Variants in RAD54L observed in about 807,000 individuals in gnomAD.
RAD54L encodes the protein RAD54 like.
A neutral mutation model predicts 91.6 loss-of-function variants in RAD54L; 74 were observed. That is an observed-to-expected ratio of 0.81 (90% CI 0.67 to 0.98). RAD54L has a LOEUF of 0.98. Among genes scored for constraint, RAD54L ranks in the 50% least tolerant of loss-of-function variants. The pLI is 0.00. For missense variants in RAD54L, 887 were observed against 945.7 expected (o/e 0.94, Z 0.81); for synonymous variants, 304 against 349.7 (o/e 0.87, Z 1.46).
At position 46,274,271 on chromosome 1, in the gene RAD54L, A is replaced by T. The variant is rs1660528421; in HGVS notation, c.1689+55A>T. On this transcript the variant is annotated intron_variant, in intron 15 of 17. Transcript: ENST00000371975. ...CAATGCAGTATCATCAGAATTAAGG[A>T]ATGATAGAGAAGCTATAAGGGGTTA... 3.3e-6 allele frequency: 5 copies of T among 1,530,592 alleles called. No individual in the cohort carries two copies. In the South Asian group the frequency reaches 5.6e-5, roughly 17 times the overall value. 94.8% of individuals were successfully genotyped at this position (1,530,592 alleles called of 1,614,324 possible).
At chr1:46,248,885 C>T (rs926981945) in intron 2 of RAD54L, among the ~76,000 whole-genome samples, 4 of 152,144 alleles carry the variant, frequency 2.6e-5, no homozygotes, top group Non-Finnish European at 5.9e-5. Flanking sequence ...AAAAGGGCTA[C>T]ACAACAGCAA....
At chr1:46,259,286 G>A (rs1660030229) in intron 4 of RAD54L, among the ~76,000 whole-genome samples, 2 of 151,896 alleles carry the variant, frequency 1.3e-5, no homozygotes, top group South Asian at 2.1e-4. Context: ...AAAAGTGTTG[G>A]GACTACAGGC....
chr1:46,272,713 G>A lies in RAD54L; in HGVS notation c.1286G>A (p.Arg429Lys). ...LQTELYKRFLRQAKPAEELLE... is the reference protein window; with the variant it reads ...LQTELYKRFLKQAKPAEELLE... ...ACTGAGTTATACAAGAGGTTTCTGAGACAAGCCAAACCGGCAGAAGAATTG... is the reference window on the plus strand; with the variant it reads ...ACTGAGTTATACAAGAGGTTTCTGAAACAAGCCAAACCGGCAGAAGAATTG... The change falls in exon 12 of 18, where the codon AGA becomes AAA. Residue 429 changes from arginine (R) to lysine (K), a missense_variant. By Grantham distance (26) the Arg-to-Lys change is conservative. Transcript: ENST00000371975. 6.2e-7 allele frequency: 1 copy of A among 1,614,168 alleles called. No individual in the cohort carries two copies.
chr1:46,272,002 T>C (rs1485144014), intron 10 of RAD54L, among the ~76,000 whole-genome samples: 2 of 149,522 alleles, frequency 1.3e-5, no homozygotes, highest in African/African-American at 5.0e-5. Context: ...CTGATACAGA[T>C]GTGTTTGACA....
At position 46,273,412 on chromosome 1, in the gene RAD54L, T is replaced by G; in HGVS notation, c.1433T>G (p.Leu478Trp). Residue 478 changes from leucine (L) to tryptophan (W), a missense_variant, in exon 13 of 18, where the codon TTG becomes TGG. By Grantham distance (61) the Leu-to-Trp change is moderately conservative (BLOSUM62 -2). Coordinates refer to ENST00000371975, the MANE Select transcript of RAD54L (RefSeq NM_003579.4). ...GAGGAGGATGGCTTTGTGGGTGCCT[T>G]GGACCTCTTCCCTCCTGGTTACAGC... ...VEEEDGFVGA[L>W]DLFPPGYSSK... 6.2e-7 allele frequency: 1 copy of G among 1,614,156 alleles called. No homozygotes were observed. The highest frequency in any genetic ancestry group is 8.5e-7 in the Non-Finnish European group (1 of 1,179,976).
At position 46,278,044 on chromosome 1, in the gene RAD54L, T is replaced by G. The variant is rs1263690658; in HGVS notation, c.2034-28T>G. On this transcript the variant is annotated intron_variant, in intron 17 of 17. Transcript: ENST00000371975. ...CACAGTAGGGAGATGGGATCTGTAG[T>G]GACTTCAGCTGTGCCTTCTGTCCCT... 4 of 1,614,018 alleles carry G rather than the reference T, an allele frequency of 2.5e-6. No homozygotes were observed. In the Admixed American group the frequency reaches 6.7e-5, roughly 27 times the overall value.
rs1569588802 is a variant in RAD54L, at chr1:46,263,305, C to T, written c.891+1920C>T. Among the ~76,000 whole-genome samples the T allele has an allele frequency of 6.6e-6, 1 of 152,188 alleles. No individual in the cohort carries two copies. On this transcript the variant is annotated intron_variant, in intron 8 of 17. Coordinates refer to ENST00000371975, the MANE Select transcript of RAD54L (RefSeq NM_003579.4). The surrounding 1 kb of genome is among the most constrained non-coding windows in gnomAD (Gnocchi z 4.3). ...GGAGCTTCCTACTATAGAGAATTTC[C>T]CAGGACTTCCCAGTGGGCTTGGCGA...
chr1:46,275,278 C>T (rs763190284), intron 16 of RAD54L, among the ~76,000 whole-genome samples: 8 of 152,146 alleles, frequency 5.3e-5, no homozygotes, highest in African/African-American at 1.7e-4. Flanking sequence ...TTTCCTTGAC[C>T]TCATCTCAAC....
At chr1:46,278,036 ATCTGTAGTGACT>A in intron 17 of RAD54L, 24 bp from the exon 18 acceptor site, 1 of 1,614,088 alleles carries the variant, frequency 6.2e-7, no homozygotes, top group Non-Finnish European at 8.5e-7. Context: ...GGGAGATGGG[ATCTGTAGTGACT>A]TCAGCTGTGC....
Position 46,274,682 on chromosome 1 carries a change from C to G in RAD54L, c.1834C>G (p.Gln612Glu), listed in dbSNP as rs778442529. 15 of 1,614,038 alleles carry G rather than the reference C, an allele frequency of 9.3e-6. No homozygotes were observed. The highest frequency in any genetic ancestry group is 1.3e-5 in the Non-Finnish European group (15 of 1,180,018). ...CATGGCCCGGGTCTGGCGAGATGGTCAAAAGAAGACTTGCTATATCTACCG... is the reference window on the plus strand; with the variant it reads ...CATGGCCCGGGTCTGGCGAGATGGTGAAAAGAAGACTTGCTATATCTACCG... ...QAMARVWRDG[Q>E]KKTCYIYRLL... Residue 612 changes from glutamine (Q) to glutamate (E), a missense_variant, in exon 16 of 18, where the codon CAA becomes GAA. Physicochemically the swap from Gln to Glu is conservative, Grantham distance 29 (BLOSUM62 2). Transcript: ENST00000371975.
chr1:46,274,206 A>G lies in RAD54L; in HGVS notation c.1679A>G (p.Asn560Ser), dbSNP rs564284061. 57 of 1,612,336 alleles carry G rather than the reference A, an allele frequency of 3.5e-5. No homozygotes were observed. The highest frequency in any genetic ancestry group is 1.0e-4 in the Admixed American group (6 of 59,996). The change falls in exon 15 of 18, where the codon AAT becomes AGT. Residue 560 changes from asparagine to serine, a missense_variant. Asn to Ser is a conservative substitution (Grantham distance 46, BLOSUM62 1). Transcript: ENST00000371975. Reference protein sequence around the residue: ...KKRAKVVERFNSPSSPDFVFM... With the variant: ...KKRAKVVERFSSPSSPDFVFM... ...CGAGCCAAGGTTGTAGAACGCTTCA[A>G]TAGTCCATCGGTAAATGCACATCCC... is the stretch of plus-strand genomic sequence containing the variant.
In RAD54L at chr1:46,273,609, T is replaced by G; in HGVS notation, c.1487-15T>G. 6.2e-7 allele frequency: 1 copy of G among 1,613,080 alleles called. No individual in the cohort carries two copies. The highest frequency in any genetic ancestry group is 1.3e-5 in the African/African-American group (1 of 74,972). The stretch of plus-strand genomic sequence containing the variant: ...GGACAGCCAGTAGGGGACTGCTGGT[T>G]GCTGCTCTTCCCAGGTAAGATGCTG... On this transcript the variant is annotated splice_polypyrimidine_tract_variant and intron_variant, in intron 13 of 17. Transcript: ENST00000371975.
At chr1:46,248,636 G>C (rs1471321732) in intron 2 of RAD54L, 38 bp downstream of exon 2, 1 of 1,593,956 alleles carries the variant, frequency 6.3e-7, no homozygotes, top group African/African-American at 1.3e-5. Flanking sequence ...GGGTAGAGCT[G>C]TTTGGACAGA....
chr1:46,260,114 A>AT lies in RAD54L; in HGVS notation c.407+18dup. ...AAGCTTGACAAGTATGTGCACTGGT[A>AT]TTTCATAAGCAGTTTTGGTTCTCTG... is the stretch of plus-strand genomic sequence containing the variant. On this transcript the variant is annotated intron_variant, in intron 5 of 17. Coordinates refer to ENST00000371975, the MANE Select transcript of RAD54L (RefSeq NM_003579.4). The AT allele has an allele frequency of 6.2e-7, 1 of 1,614,142 alleles. No homozygotes were observed. Among genetic ancestry groups the AT allele is most frequent in the Non-Finnish European group, 8.5e-7 (1 of 1,180,026 alleles).
At position 46,272,774 on chromosome 1, in the gene RAD54L, C is replaced by T. The variant is rs553063964; in HGVS notation, c.1347C>T (p.Ser449=). 6.2e-7 allele frequency: 1 copy of T among 1,614,178 alleles called. No homozygotes were observed. Among genetic ancestry groups the T allele is most frequent in the African/African-American group, 1.3e-5 (1 of 75,036 alleles). ...EGKMSVSSLS[S]ITSLKKLCNH... ...AGATGAGTGTGTCTTCCCTTTCTTC[C>T]ATCACCTCGCTAAAGAAGCTTTGTA... The change falls in exon 12 of 18, where the codon TCC becomes TCT. Residue 449 remains serine, a synonymous_variant. Transcript: ENST00000371975.
chr1:46,276,941 T>G (rs1264229087), intron 16 of RAD54L, among the ~76,000 whole-genome samples: 2 of 152,122 alleles, frequency 1.3e-5, no homozygotes, highest in African/African-American at 2.4e-5. Flanking sequence ...GGATTACAGG[T>G]GCCCACCACT....
rs375241253 is a variant in RAD54L at position 46,251,237 on chromosome 1, G to A, written c.210+1118G>A. Among the ~76,000 whole-genome samples the A allele has an allele frequency of 3.3e-5, 5 of 151,902 alleles. No homozygotes were observed. In the East Asian group the frequency reaches 7.8e-4, roughly 24 times the overall value. ...TGAGGCAGGAGAATCACTTGAACCCGGGAGGCAGCGGTTGCAGTGAGCCGA... is the reference window on the plus strand; with the variant it reads ...TGAGGCAGGAGAATCACTTGAACCCAGGAGGCAGCGGTTGCAGTGAGCCGA... On this transcript the variant is annotated intron_variant, in intron 3 of 17. Coordinates refer to ENST00000371975, the MANE Select transcript of RAD54L (RefSeq NM_003579.4).
intron 3 of RAD54L, among the ~76,000 whole-genome samples, chr1:46,254,134 C>T (rs1021465130): frequency 2.4e-4 from 36 of 152,000 alleles, no homozygotes; most frequent in African/African-American, 8.2e-4. Flanking sequence ...GCCACCATAC[C>T]TGGCACATTT....
chr1:46,258,654 G>A, intron 3 of RAD54L, 32 bp from the exon 4 acceptor site: 1 of 1,526,610 alleles, frequency 6.6e-7, no homozygotes, highest in Non-Finnish European at 9.1e-7. Context: ...TCTCCAGTCA[G>A]TCCTGAATCC....
Sources: allele counts gnomAD v4.1 joint callset (sites outside exome capture counted in the v4.1 genomes callset), GRCh38; gene constraint gnomAD v4.1.1; non-coding constraint Gnocchi (gnomAD v3.1); transcripts MANE v1.5; gene names NCBI Gene and HGNC (gene_info 2026-07-23, HGNC 2026-07-21).